DYRK1A: variants seen among roughly 807,000 people sequenced by gnomAD.
DYRK1A encodes dual specificity tyrosine-phosphorylation-regulated kinase 1A.
DYRK1A carries 9 observed loss-of-function variants against 79.7 expected under a neutral mutation model. The ratio of observed to expected loss-of-function variants is 0.11; its 90% CI spans 0.07 to 0.20. DYRK1A has a LOEUF of 0.20. DYRK1A is among the 10% of genes least tolerant of loss of function. The pLI is 1.00. For missense variants in DYRK1A, 622 were observed against 956.0 expected, an observed-to-expected ratio of 0.65 and a Z score of 4.61; for synonymous variants, 349 against 329.7, an observed-to-expected ratio of 1.06 and a Z score of -0.63.
intron 11 of DYRK1A, among the ~76,000 whole-genome samples, chr21:37,510,999 G>A (rs1014141607): frequency 6.6e-6 from 1 of 152,118 alleles, no homozygotes; most frequent in Non-Finnish European, 1.5e-5. Flanking sequence ...TGGAACTGAA[G>A]CGATGAAAAA....
Position 37,517,736 on chromosome 21 carries a change from T to TA in DYRK1A, c.*5209dup, listed in dbSNP as rs1266139126. On this transcript the variant is annotated 3_prime_UTR_variant, in exon 12 of 12. Transcript: ENST00000647188. ...GGCCAGCAGAAAGTGTTGAGTTGCT[T>TA]AAAAGAGACCCTGGGAGGATGAATT... 1 of 152,058 alleles carries TA rather than the reference T, an allele frequency of 6.6e-6. No homozygotes were observed. The highest frequency in any genetic ancestry group is 1.5e-5 in the Non-Finnish European group (1 of 68,022). 9.4% of individuals were successfully genotyped at this position (152,058 alleles called of 1,614,324 possible).
chr21:37,412,582 G>A (rs1213485303), intron 1 of DYRK1A, among the ~76,000 whole-genome samples: 1 of 152,148 alleles, frequency 6.6e-6, no homozygotes, highest in Admixed American at 6.5e-5. Flanking sequence ...TTAATTCTAG[G>A]AAGCATTTGT....
chr21:37,451,216 AATTT>A (rs1264707345), intron 2 of DYRK1A, among the ~76,000 whole-genome samples: 8 of 152,222 alleles, frequency 5.3e-5, no homozygotes, highest in African/African-American at 1.9e-4. Context: ...GGCTAAAGTT[AATTT>A]ATTACTGAAG....
chr21:37,488,453 T>A (rs1487098997), intron 6 of DYRK1A: 1 of 727,030 alleles, frequency 1.4e-6, no homozygotes, highest in Admixed American at 6.3e-5. Flanking sequence ...CTTTGAACTT[T>A]AAAAAACATC....
intron 1 of DYRK1A, among the ~76,000 whole-genome samples, chr21:37,417,544 T>C (rs1272930222): frequency 1.6e-5 from 2 of 127,550 alleles, no homozygotes; most frequent in Non-Finnish European, 3.4e-5. Flanking sequence ...TTTTTTTTTT[T>C]TTTTTTTTTT....
intron 2 of DYRK1A, among the ~76,000 whole-genome samples, chr21:37,467,106 G>GAAAAAAAAAAAA (rs5843833): frequency 3.8e-5 from 5 of 130,766 alleles, no homozygotes; most frequent in African/African-American, 2.8e-5. Context: ...ATTTACAAAA[G>GAAAAAAAAAAAA]AAAAAAAAAA....
intron 2 of DYRK1A, among the ~76,000 whole-genome samples, chr21:37,451,350 GTCCCTCCATCCCTCCC>G (rs1036897188): frequency 1.8e-4 from 22 of 123,388 alleles, no homozygotes; most frequent in African/African-American, 4.3e-4. Context: ...CTTCCTCTCC[GTCCCTCCATCCCTCCC>G]TCCCTCCATC....
chr21:37,495,972 T>C, intron 8 of DYRK1A, 146 bp from the exon 9 acceptor site: 1 of 677,766 alleles, frequency 1.5e-6, no homozygotes, highest in Non-Finnish European at 2.4e-6. Context: ...GCCTTTCTTG[T>C]GTTTGTTCAT....
chr21:37,493,600 T>C (rs2053166046), intron 8 of DYRK1A, among the ~76,000 whole-genome samples: 1 of 152,190 alleles, frequency 6.6e-6, no homozygotes, highest in Non-Finnish European at 1.5e-5. Flanking sequence ...TATAGACTTG[T>C]AGGGCTACAG....
At chr21:37,494,695 C>T (rs868175086) in intron 8 of DYRK1A, among the ~76,000 whole-genome samples, 7 of 152,050 alleles carry the variant, frequency 4.6e-5, no homozygotes, top group Non-Finnish European at 7.4e-5. Context: ...CACCTGTAGT[C>T]GCAGCACTTT....
intron 2 of DYRK1A, among the ~76,000 whole-genome samples, chr21:37,454,085 C>CTTTTTTTTTTTTTTTTTTTTTTTTT (rs571859735): frequency 1.7e-5 from 1 of 59,626 alleles, no homozygotes; most frequent in Non-Finnish European, 2.9e-5. Context: ...ATGTAGTCTC[C>CTTTTTTTTTTTTTTTTTTTTTTTTT]TTTTTTTTTT....
intron 2 of DYRK1A, among the ~76,000 whole-genome samples, chr21:37,434,422 G>A (rs2050865023): frequency 6.6e-6 from 1 of 152,094 alleles, no homozygotes; most frequent in Non-Finnish European, 1.5e-5. Context: ...ATGTTTCAAA[G>A]CATTTCTCTG....
chr21:37,453,518 C>T (rs915811663), intron 2 of DYRK1A, among the ~76,000 whole-genome samples: 14 of 152,076 alleles, frequency 9.2e-5, no homozygotes, highest in African/African-American at 2.9e-4. Context: ...GAGAGAGAGG[C>T]GGAGATAACA....
At chr21:37,448,324 A>G (rs1417553068) in intron 2 of DYRK1A, among the ~76,000 whole-genome samples, 11 of 152,136 alleles carry the variant, frequency 7.2e-5, no homozygotes, top group Admixed American at 6.5e-4. Flanking sequence ...AAATTTTTAC[A>G]ATTTTTTTTA....
chr21:37,480,491 G>A lies in DYRK1A; in HGVS notation c.301-147G>A, dbSNP rs1307516048. On this transcript the variant is annotated intron_variant, in intron 4 of 11. Coordinates refer to ENST00000647188, the MANE Select transcript of DYRK1A (RefSeq NM_001347721.2). Reference sequence around the variant, plus strand: ...CAGTATAACTATAATGAATTTCACTGTATAAATTTTTTCATTGGTTAGATC... The same window carrying A: ...CAGTATAACTATAATGAATTTCACTATATAAATTTTTTCATTGGTTAGATC... 2.0e-5 allele frequency: 11 copies of A among 552,688 alleles called. No individual in the cohort carries two copies. In the East Asian group the frequency reaches 3.2e-4, roughly 16 times the overall value. 34.2% of individuals were successfully genotyped at this position (552,688 alleles called of 1,614,324 possible).
intron 11 of DYRK1A, among the ~76,000 whole-genome samples, chr21:37,509,380 G>C (rs1465046257): frequency 6.6e-6 from 1 of 152,088 alleles, no homozygotes; most frequent in East Asian, 1.9e-4. Context: ...TTATTTATTT[G>C]CACAGTATCC....
At chr21:37,465,975 G>T (rs948635915) in intron 2 of DYRK1A, among the ~76,000 whole-genome samples, 1 of 152,182 alleles carries the variant, frequency 6.6e-6, no homozygotes, top group African/African-American at 2.4e-5. Flanking sequence ...TGTCACCTCC[G>T]CAAGACAGTG....
intron 2 of DYRK1A, chr21:37,456,373 C>T (rs903522478): frequency 2.6e-5 from 4 of 152,202 alleles, no homozygotes; most frequent in African/African-American, 4.8e-5. Flanking sequence ...GAGCTATTCA[C>T]AAGATTCATG....
At chr21:37,495,011 C>T (rs2053217619) in intron 8 of DYRK1A, among the ~76,000 whole-genome samples, 1 of 151,270 alleles carries the variant, frequency 6.6e-6, no homozygotes, top group Non-Finnish European at 1.5e-5. Flanking sequence ...ATAACATAAA[C>T]TTCTTTTTGG....
Sources: gnomAD v4.1 joint callset for allele counts (sites outside exome capture counted in the v4.1 genomes callset) on GRCh38, gnomAD v4.1.1 for gene constraint, MANE v1.5 for transcripts, NCBI Gene and HGNC (gene_info 2026-07-23, HGNC 2026-07-21) for gene names.